Variants in ESRRG observed in about 807,000 individuals in gnomAD.
ESRRG encodes the protein estrogen related receptor gamma.
Under a neutral mutation model 44.0 loss-of-function variants are expected in ESRRG, and 13 were observed. The observed-to-expected ratio is 0.30, with a 90% CI of 0.19 to 0.47. The LOEUF (loss-of-function observed/expected upper bound fraction) is 0.47. Ranked by LOEUF, ESRRG falls within the 20% of genes least tolerant of loss-of-function variation. The probability of loss-of-function intolerance (pLI) is 1.00; values close to 1 mark genes in which losing one functional copy is unlikely to be tolerated. For missense variants in ESRRG, 395 were observed against 580.6 expected, an observed-to-expected ratio of 0.68 and a Z score of 3.29; for synonymous variants, 215 against 214.6, an observed-to-expected ratio of 1.00 and a Z score of -0.02.
At chr1:216,878,011 A>G (rs1024990164) in intron 2 of ESRRG, among the ~76,000 whole-genome samples, 7 of 152,202 alleles carry the variant, frequency 4.6e-5, no homozygotes, top group African/African-American at 1.4e-4. Flanking sequence ...TCAGGAATAA[A>G]ACTGCTGGGT....
intron 3 of ESRRG, among the ~76,000 whole-genome samples, chr1:216,624,272 T>C (rs752880124): frequency 1.3e-5 from 2 of 152,204 alleles, no homozygotes; most frequent in Non-Finnish European, 2.9e-5. Flanking sequence ...GTTACTGTGT[T>C]CAATTATCAT....
intron 1 of ESRRG, among the ~76,000 whole-genome samples, chr1:217,075,342 G>A (rs775178895): frequency 6.6e-6 from 1 of 152,162 alleles, no homozygotes; most frequent in Non-Finnish European, 1.5e-5. Context: ...TGAGAATGTG[G>A]AAGGTCAGGT....
chr1:216,777,634 T>C (rs1435367522), intron 2 of ESRRG, among the ~76,000 whole-genome samples: 1 of 152,122 alleles, frequency 6.6e-6, no homozygotes, highest in African/African-American at 2.4e-5. Flanking sequence ...TCAGGGGAAC[T>C]CAGTTTCCTA....
At chr1:216,763,132 T>C (rs182918823) in intron 2 of ESRRG, among the ~76,000 whole-genome samples, 6 of 152,250 alleles carry the variant, frequency 3.9e-5, no homozygotes, top group East Asian at 1.9e-4. Flanking sequence ...GGAAATGGCA[T>C]TGATGTGAGA....
rs529421216 is a variant in ESRRG, at chr1:216,604,491, A to C, written c.590-36393T>G. ...AACAAGTTAATAGGAAACAGACACAAGGATACAATTCTTTCTCTCTCCTAG... is the reference window on the plus strand; with the variant it reads ...AACAAGTTAATAGGAAACAGACACACGGATACAATTCTTTCTCTCTCCTAG... On this transcript the variant is annotated intron_variant, in intron 3 of 6. Coordinates refer to ENST00000408911, the MANE Select transcript of ESRRG (RefSeq NM_001438.4). Among the ~76,000 whole-genome samples the C allele has an allele frequency of 2.0e-5, 3 of 152,326 alleles. No homozygotes were observed. The South Asian group carries it at 6.2e-4, about 32-fold the overall frequency.
rs11572543 is a variant in ESRRG, at chr1:216,875,540, G to A, written c.-14+64042C>T. Among the ~76,000 whole-genome samples the A allele has an allele frequency of 6.9e-4, 105 of 152,144 alleles. 3 individuals carry two copies. In the South Asian group the frequency reaches 0.021, roughly 31 times the overall value. ...TATATGTTTAGCTTCTTCTCCCTAA[G>A]GTTACATTTGTGAGATCCAACCTTA... On this transcript the variant is annotated intron_variant, in intron 2 of 7. Transcript: ENST00000359162.
At chr1:216,821,400 C>T (rs2148614459) in intron 2 of ESRRG, among the ~76,000 whole-genome samples, 1 of 152,034 alleles carries the variant, frequency 6.6e-6, no homozygotes, top group African/African-American at 2.4e-5. Flanking sequence ...ATTAAAAATT[C>T]CTAGGCCAAG....
intron 2 of ESRRG, among the ~76,000 whole-genome samples, chr1:216,921,701 C>T (rs1213177422): frequency 1.3e-5 from 2 of 152,154 alleles, no homozygotes; most frequent in African/African-American, 4.8e-5. Flanking sequence ...TGGCACTTAC[C>T]ACCTTCTAAT....
At chr1:216,958,272 T>C (rs1016439187) in intron 1 of ESRRG, among the ~76,000 whole-genome samples, 1 of 152,214 alleles carries the variant, frequency 6.6e-6, no homozygotes, top group Non-Finnish European at 1.5e-5. Context: ...CTTATCCTTT[T>C]GTTGTTCTTG....
At chr1:217,083,530 C>T (rs2091902019) in intron 1 of ESRRG, among the ~76,000 whole-genome samples, 1 of 152,178 alleles carries the variant, frequency 6.6e-6, no homozygotes, top group African/African-American at 2.4e-5. Context: ...AACAAAGGTT[C>T]ACTACTGCCC....
intron 1 of ESRRG, among the ~76,000 whole-genome samples, chr1:216,941,399 C>T (rs544549629): frequency 3.6e-4 from 55 of 152,048 alleles, no homozygotes; most frequent in Non-Finnish European, 7.4e-4. Flanking sequence ...CCAGTGTGGC[C>T]GTAGATTTCA....
chr1:216,914,593 G>T (rs1241969688), intron 2 of ESRRG, among the ~76,000 whole-genome samples: 1 of 152,156 alleles, frequency 6.6e-6, no homozygotes, highest in Non-Finnish European at 1.5e-5. Flanking sequence ...ATTACCAAAA[G>T]AAACTGAATT....
chr1:217,105,982 G>A (rs1416738539), intron 1 of ESRRG, among the ~76,000 whole-genome samples: 2 of 152,140 alleles, frequency 1.3e-5, no homozygotes, highest in African/African-American at 4.8e-5. Context: ...CTAAATGAGA[G>A]TGACCAAATT....
intron 1 of ESRRG, among the ~76,000 whole-genome samples, chr1:216,947,715 A>T (rs561174952): frequency 6.6e-6 from 1 of 152,194 alleles, no homozygotes; most frequent in Non-Finnish European, 1.5e-5. Flanking sequence ...AAAGATCCAT[A>T]GTGTCCTTCA....
At chr1:216,713,363 GA>G (rs67579659) in intron 1 of ESRRG, among the ~76,000 whole-genome samples, 44,323 of 129,950 alleles carry the variant, frequency 0.34, 6,552 homozygotes, top group Middle Eastern at 0.4. Flanking sequence ...TTCCTTTCTT[GA>G]AAAAAAAAAA....
chr1:216,556,382 T>C (rs183560352), intron 5 of ESRRG, among the ~76,000 whole-genome samples: 105 of 152,294 alleles, frequency 6.9e-4, no homozygotes, highest in African/African-American at 2.5e-3. Context: ...TCAAAAGAGC[T>C]TAGCAATTAC....
At chr1:217,107,064 G>T (rs775605966) in intron 1 of ESRRG, among the ~76,000 whole-genome samples, 1 of 152,090 alleles carries the variant, frequency 6.6e-6, no homozygotes, top group Non-Finnish European at 1.5e-5. Context: ...TGTTTTTCAA[G>T]CCCAGCAGAG....
intron 1 of ESRRG, among the ~76,000 whole-genome samples, chr1:216,982,823 C>T (rs184447782): frequency 4.8e-4 from 73 of 152,284 alleles, no homozygotes; most frequent in African/African-American, 1.8e-3. Context: ...GAACCTGGCA[C>T]ATACAAAAGG....
intron 2 of ESRRG, among the ~76,000 whole-genome samples, chr1:216,858,017 C>T (rs910219008): frequency 2.6e-5 from 4 of 152,086 alleles, no homozygotes; most frequent in Non-Finnish European, 4.4e-5. Flanking sequence ...CCTCTCTGAG[C>T]GTCAGTTTCT....
Sources: gnomAD v4.1 joint callset for allele counts (sites outside exome capture counted in the v4.1 genomes callset) on GRCh38, gnomAD v4.1.1 for gene constraint, MANE v1.5 for transcripts, NCBI Gene and HGNC (gene_info 2026-07-23, HGNC 2026-07-21) for gene names.